Variants in TOPAZ1 observed in about 807,000 individuals in gnomAD.
The protein encoded by TOPAZ1 is protein TOPAZ1.
A neutral mutation model predicts 172.2 loss-of-function variants in TOPAZ1; 66 were observed. That is an observed-to-expected ratio of 0.38 (90% CI 0.31 to 0.47). The LOEUF is 0.47. Among genes scored for constraint, TOPAZ1 ranks in the 20% least tolerant of loss-of-function variants. TOPAZ1 has a pLI of 0.99. For missense variants in TOPAZ1, 1,822 were observed against 1,972.4 expected (o/e 0.92, Z 1.44); for synonymous variants, 681 against 683.9 (o/e 1.00, Z 0.07).
At position 44,242,398 on chromosome 3, in the gene TOPAZ1, CAGTA is replaced by C. The variant is rs1699495681; in HGVS notation, c.346+2_346+5del. 6.4e-7 allele frequency: 1 copy of C among 1,552,168 alleles called. No homozygotes were observed. The highest frequency in any genetic ancestry group is 1.4e-5 in the African/African-American group (1 of 73,046). On this transcript the variant is annotated splice_donor_variant and splice_donor_region_variant and coding_sequence_variant and intron_variant, in exon 1 of 20. Transcript: ENST00000309765. LOFTEE classifies it high-confidence loss of function. The stretch of plus-strand genomic sequence containing the variant: ...AACTCCCCTTGCAAACGGAAAGACA[CAGTA>C]AGAAAGCATCCACGATCACTTACCT...
At chr3:44,310,601 A>G (rs1236151734) in intron 16 of TOPAZ1, among the ~76,000 whole-genome samples, 4 of 152,228 alleles carry the variant, frequency 2.6e-5, no homozygotes, top group Admixed American at 2.6e-4. Flanking sequence ...TGAATTTGGA[A>G]CTATTAAAAT....
At chr3:44,323,346 T>G in intron 18 of TOPAZ1, 51 bp downstream of exon 18, 1 of 1,145,562 alleles carries the variant, frequency 8.7e-7, no homozygotes, top group Non-Finnish European at 1.2e-6. Context: ...TTGTATTCTC[T>G]AACCCAGAAT....
rs531389010 is a variant in TOPAZ1, at chr3:44,303,113, G to A, written c.3798-902G>A. Among the ~76,000 whole-genome samples, 88 of 152,318 alleles carry A rather than the reference G, an allele frequency of 5.8e-4. 1 individual carries two copies. In the South Asian group the frequency reaches 0.014, roughly 25 times the overall value. ...CTTCCAGAGTGCTGAAATTTCTGGT[G>A]TGAGCCACCTCACACAGGCTGTCTA... On this transcript the variant is annotated intron_variant, in intron 12 of 19. Coordinates refer to ENST00000309765, the MANE Select transcript of TOPAZ1 (RefSeq NM_001145030.2).
At chr3:44,247,892 C>T (rs1045025497) in intron 2 of TOPAZ1, among the ~76,000 whole-genome samples, 3 of 152,166 alleles carry the variant, frequency 2.0e-5, no homozygotes, top group Admixed American at 6.5e-5. Context: ...GTCAAGTGAT[C>T]TGCCTGCCTT....
chr3:44,250,005 A>G (rs1699611407), intron 2 of TOPAZ1, among the ~76,000 whole-genome samples: 1 of 152,212 alleles, frequency 6.6e-6, no homozygotes, highest in Non-Finnish European at 1.5e-5. Flanking sequence ...TGGAGCCAGT[A>G]AATAATAACT....
Position 44,287,426 on chromosome 3 carries a change from AG to A in TOPAZ1, c.3476del (p.Gly1159ValfsTer9). ...FMEYYRKFPP[G>X]VYFDLQVLND... Reference sequence around the variant, plus strand: ...TGGAGTACTACAGAAAGTTTCCCCCAGGTGTATACTTTGATTTACAAGTGCT... The same window carrying A: ...TGGAGTACTACAGAAAGTTTCCCCCAGTGTATACTTTGATTTACAAGTGCT... On this transcript the variant is annotated frameshift_variant, in exon 10 of 20. Coordinates refer to ENST00000309765, the MANE Select transcript of TOPAZ1 (RefSeq NM_001145030.2). LOFTEE classifies it high-confidence loss of function. The A allele has an allele frequency of 6.6e-7, 1 of 1,513,604 alleles. No homozygotes were observed. Among genetic ancestry groups the A allele is most frequent in the Admixed American group, 2.2e-5 (1 of 46,274 alleles). 93.8% of individuals were successfully genotyped at this position (1,513,604 alleles called of 1,614,324 possible).
downstream of TOPAZ1, among the ~76,000 whole-genome samples, chr3:44,333,068 C>G (rs568305261): frequency 1.2e-4 from 18 of 151,216 alleles, no homozygotes; most frequent in East Asian, 2.7e-3. Flanking sequence ...AAGCTGTCTG[C>G]CCACCTTGGC....
intron 8 of TOPAZ1, among the ~76,000 whole-genome samples, chr3:44,280,630 C>G (rs1050111480): frequency 1.3e-5 from 2 of 152,214 alleles, no homozygotes; most frequent in East Asian, 3.9e-4. Flanking sequence ...GCATGAGCTG[C>G]TGTACCCAGC....
chr3:44,245,307 G>A (rs79510628), intron 2 of TOPAZ1, 36 bp downstream of exon 2: 9 of 1,475,056 alleles, frequency 6.1e-6, no homozygotes, highest in Non-Finnish European at 5.4e-6. Flanking sequence ...AGTGCAGATT[G>A]TTGGGGGTTA....
chr3:44,241,983 G>C lies in TOPAZ1; in HGVS notation c.-71G>C. 11 of 1,401,388 alleles carry C rather than the reference G, an allele frequency of 7.8e-6. No homozygotes were observed. The highest frequency in any genetic ancestry group is 1.1e-5 in the Non-Finnish European group (11 of 1,035,498). The allele number at this position is 1,401,388 out of a possible 1,614,324, so 86.8% of individuals were successfully genotyped here. A position where few individuals can be genotyped will look rare whatever the true frequency, so the allele number is the denominator to read the frequency against. On this transcript the variant is annotated 5_prime_UTR_variant, in exon 1 of 20. Transcript: ENST00000309765. ...GGGCAGTAGGTACCTCCAGGCGGGA[G>C]CAGCGTTTGCACCGCGGTGGGTTCC...
At position 44,306,723 on chromosome 3, in the gene TOPAZ1, T is replaced by A. The variant is rs1480943173; in HGVS notation, c.4140+297T>A. 2.6e-5 allele frequency among the ~76,000 whole-genome samples: 4 copies of A among 152,260 alleles called. No individual in the cohort carries two copies. In the East Asian group the frequency reaches 7.7e-4, roughly 29 times the overall value. On this transcript the variant is annotated intron_variant, in intron 15 of 19. Transcript: ENST00000309765. ...CCCATCTTTAAAAAATAATTTTTATTATAAAAATAAATAAAATCTCAGTAT... is the reference window on the plus strand; with the variant it reads ...CCCATCTTTAAAAAATAATTTTTATAATAAAAATAAATAAAATCTCAGTAT...
At chr3:44,307,565 A>G (rs999644339) in intron 15 of TOPAZ1, among the ~76,000 whole-genome samples, 3 of 152,060 alleles carry the variant, frequency 2.0e-5, no homozygotes, top group African/African-American at 4.8e-5. Context: ...AGGAAATCCA[A>G]AATAGGGAGG....
chr3:44,285,402 G>C (rs1411326394), intron 9 of TOPAZ1, among the ~76,000 whole-genome samples: 1 of 152,018 alleles, frequency 6.6e-6, no homozygotes, highest in African/African-American at 2.4e-5. Flanking sequence ...GGAGGCAGAG[G>C]TTGCAGTGAG....
Position 44,255,028 on chromosome 3 carries a change from A to C in TOPAZ1, c.2826A>C (p.Ala942=). 6.4e-7 allele frequency: 1 copy of C among 1,550,772 alleles called. No individual in the cohort carries two copies. Among genetic ancestry groups the C allele is most frequent in the East Asian group, 2.4e-5 (1 of 40,900 alleles). ...IKPDICASNS[A]ESEIKRDPKD... is the part of the protein sequence containing the mutation. ...CAGACATCTGTGCTTCCAACTCAGC[A>C]GGTAAAAGTTGACATTTTCAGAATA... The change falls in exon 3 of 20, where the codon GCA becomes GCC. Residue 942 remains alanine, a splice_region_variant and synonymous_variant. Coordinates refer to ENST00000309765, the MANE Select transcript of TOPAZ1 (RefSeq NM_001145030.2).
intron 9 of TOPAZ1, among the ~76,000 whole-genome samples, chr3:44,286,679 C>G (rs1247855376): frequency 6.6e-6 from 1 of 151,796 alleles, no homozygotes; most frequent in African/African-American, 2.4e-5. Flanking sequence ...AGTATTTTTA[C>G]TAAGGCAGTT....
chr3:44,292,506 A>G (rs1223870463), intron 12 of TOPAZ1, among the ~76,000 whole-genome samples: 1 of 151,950 alleles, frequency 6.6e-6, no homozygotes, highest in African/African-American at 2.4e-5. Context: ...AGTAGCAGTT[A>G]GCACAGGGAA....
At chr3:44,255,668 T>TACACACAC (rs1489281875) in intron 3 of TOPAZ1, among the ~76,000 whole-genome samples, 6 of 30,312 alleles carry the variant, frequency 2.0e-4, no homozygotes, top group Non-Finnish European at 3.8e-4. Flanking sequence ...AAAAAATATA[T>TACACACAC]ATACACACAC....
At chr3:44,246,344 A>G (rs1699566706) in intron 2 of TOPAZ1, among the ~76,000 whole-genome samples, 1 of 152,174 alleles carries the variant, frequency 6.6e-6, no homozygotes, top group African/African-American at 2.4e-5. Context: ...CCTGAATATC[A>G]TAATATTTTG....
rs370325688 is a variant in TOPAZ1, at chr3:44,253,614, T to A, written c.2766-1354T>A. On this transcript the variant is annotated intron_variant, in intron 2 of 19. Coordinates refer to ENST00000309765, the MANE Select transcript of TOPAZ1 (RefSeq NM_001145030.2). ...TGAAGAGGCCTTTGAGATACTGAGA[T>A]GGAAATATTCTAGTAGATAGCTGGA... Among the ~76,000 whole-genome samples, 4 of 152,090 alleles carry A rather than the reference T, an allele frequency of 2.6e-5. No homozygotes were observed. In the East Asian group the frequency reaches 7.7e-4, roughly 29 times the overall value.
Sources: allele counts gnomAD v4.1 joint callset (sites outside exome capture counted in the v4.1 genomes callset), GRCh38; gene constraint gnomAD v4.1.1; transcripts MANE v1.5; gene names NCBI Gene and HGNC (gene_info 2026-07-23, HGNC 2026-07-21).